The following NFATC1 variants were observed in gnomAD, a reference collection of about 807,000 sequenced individuals.
NFATC1 encodes the protein nuclear factor of activated T-cells, cytoplasmic 1.
Under a neutral mutation model 76.0 loss-of-function variants are expected in NFATC1, and 22 were observed. That is an observed-to-expected ratio of 0.29 (90% CI 0.21 to 0.41). The LOEUF is 0.41. Among genes scored for constraint, NFATC1 ranks in the 10% least tolerant of loss-of-function variants. The pLI, the probability that NFATC1 is intolerant of heterozygous loss-of-function variation, is 1.00. For synonymous variants in NFATC1, 704 were observed against 613.1 expected (o/e 1.15, Z -2.19); for missense variants, 1,357 against 1,337.7 (o/e 1.01, Z -0.23).
chr18:79,413,471 A>G (rs557452201), intron 2 of NFATC1, among the ~76,000 whole-genome samples: 31 of 152,166 alleles, frequency 2.0e-4, no homozygotes, highest in African/African-American at 7.5e-4. Context: ...TCATCTCTCC[A>G]TCCACCGTGC....
intron 4 of NFATC1, 44 bp from the exon 5 acceptor site, chr18:79,450,910 C>A (rs755429103): frequency 6.3e-7 from 1 of 1,590,128 alleles, no homozygotes; most frequent in Non-Finnish European, 8.6e-7. Context: ...TACGCTCCCG[C>A]GTCAGCCATT....
intron 8 of NFATC1, among the ~76,000 whole-genome samples, chr18:79,483,835 T>TCCAGCGTGATGTGGTTCCTGGGGTGTCAC (rs1205233427): frequency 1.7e-5 from 2 of 120,020 alleles, no homozygotes; most frequent in African/African-American, 7.2e-5. Flanking sequence ...TGGGGTGTCA[T>TCCAGCGTGATGTGGTTCCTGGGGTGTCAC]TCCAGCGTGA....
In NFATC1 at chr18:79,529,100, C is replaced by T. The variant is rs761974327; in HGVS notation, c.*1523C>T. The T allele has an allele frequency of 2.0e-5, 3 of 152,352 alleles. No homozygotes were observed. Among genetic ancestry groups the T allele is most frequent in the Non-Finnish European group, 2.9e-5 (2 of 68,064 alleles). The allele number at this position is 152,352 out of a possible 1,614,324, so 9.4% of individuals were successfully genotyped here. ...GCACAATCGCGTCTCTTGTGTCTCACTCACGGAAAGAAACAACCTGAAGGC... is the reference window on the plus strand; with the variant it reads ...GCACAATCGCGTCTCTTGTGTCTCATTCACGGAAAGAAACAACCTGAAGGC... On this transcript the variant is annotated 3_prime_UTR_variant, in exon 10 of 10. Coordinates refer to ENST00000427363, the MANE Select transcript of NFATC1 (RefSeq NM_001278669.2).
intron 9 of NFATC1, among the ~76,000 whole-genome samples, chr18:79,514,834 C>G (rs1408896495): frequency 6.6e-6 from 1 of 151,624 alleles, no homozygotes; most frequent in Non-Finnish European, 1.5e-5. Flanking sequence ...TCACTTGAGC[C>G]CAGGAGTTGG....
At chr18:79,442,378 C>T (rs936931235) in intron 3 of NFATC1, among the ~76,000 whole-genome samples, 4 of 152,240 alleles carry the variant, frequency 2.6e-5, no homozygotes, top group African/African-American at 9.6e-5. Context: ...AGCGCACGTG[C>T]CATTCACGGG....
At chr18:79,488,332 G>A (rs1234805364) in intron 9 of NFATC1, among the ~76,000 whole-genome samples, 2 of 130,780 alleles carry the variant, frequency 1.5e-5, no homozygotes, top group African/African-American at 5.8e-5. Context: ...GTGTGTGTGT[G>A]TGTGAACTTG....
intron 2 of NFATC1, among the ~76,000 whole-genome samples, chr18:79,427,309 C>T (rs1020405946): frequency 3.9e-5 from 6 of 151,994 alleles, no homozygotes; most frequent in Non-Finnish European, 5.9e-5. Flanking sequence ...CCCAATTTGC[C>T]AGCATGTGCA....
chr18:79,518,963 C>T (rs1405551252), intron 9 of NFATC1, among the ~76,000 whole-genome samples: 2 of 152,202 alleles, frequency 1.3e-5, no homozygotes, highest in Non-Finnish European at 2.9e-5. Context: ...CAGAGCAGAA[C>T]GGGGTCTCAG....
In NFATC1 at chr18:79,486,645, A is replaced by G. The variant is rs980634138; in HGVS notation, c.2490A>G (p.Pro830=). 6.2e-7 allele frequency: 1 copy of G among 1,603,084 alleles called. No individual in the cohort carries two copies. The highest frequency in any genetic ancestry group is 1.3e-5 in the African/African-American group (1 of 74,738). ...TGCCACAGCAGGTGAGTGCGCCTCC[A>G]AGCAGTAGCTGCCCCCCTGGTCTCG... ...ALLPQQVSAP[P]SSSCPPGLEH... Residue 830 remains proline (P), a synonymous_variant, in exon 9 of 10, where the codon CCA becomes CCG. Coordinates refer to ENST00000427363, the MANE Select transcript of NFATC1 (RefSeq NM_001278669.2).
chr18:79,489,568 C>G (rs1490544074), intron 9 of NFATC1, among the ~76,000 whole-genome samples: 1 of 152,228 alleles, frequency 6.6e-6, no homozygotes, highest in Non-Finnish European at 1.5e-5. Context: ...AGCTCAGTTC[C>G]CAGCGGGCCT....
At chr18:79,424,287 G>A (rs1011016957) in intron 2 of NFATC1, among the ~76,000 whole-genome samples, 5 of 152,256 alleles carry the variant, frequency 3.3e-5, no homozygotes, top group East Asian at 3.9e-4. Context: ...CAGGAAGGCC[G>A]ACCTCTCCTG....
intron 2 of NFATC1, among the ~76,000 whole-genome samples, chr18:79,432,202 G>C (rs2086614652): frequency 6.6e-6 from 1 of 152,264 alleles, no homozygotes; most frequent in Non-Finnish European, 1.5e-5. Flanking sequence ...TAGAATGATG[G>C]TCAGCAGCTC....
At chr18:79,470,978 G>A (rs2088763488) in intron 8 of NFATC1, 2 of 152,240 alleles carry the variant, frequency 1.3e-5, no homozygotes, top group Admixed American at 6.5e-5. Context: ...TGAACGGAGT[G>A]GGCATAGCCC....
intron 1 of NFATC1, among the ~76,000 whole-genome samples, chr18:79,403,099 G>A (rs2085321721): frequency 6.6e-6 from 1 of 152,192 alleles, no homozygotes; most frequent in East Asian, 1.9e-4. Flanking sequence ...TGAGGTCAGT[G>A]TACCGGGGTT....
At chr18:79,493,059 G>GC (rs1473059489) in intron 9 of NFATC1, among the ~76,000 whole-genome samples, 2 of 152,148 alleles carry the variant, frequency 1.3e-5, no homozygotes, top group Non-Finnish European at 2.9e-5. Context: ...GACTTCTCGA[G>GC]CATGGCCGAG....
chr18:79,450,467 T>C (rs894021962), intron 4 of NFATC1, among the ~76,000 whole-genome samples: 1 of 149,516 alleles, frequency 6.7e-6, no homozygotes, highest in African/African-American at 2.4e-5. Flanking sequence ...ATATAATTAT[T>C]GTAAATGATA....
chr18:79,469,162 A>G (rs952698074), intron 8 of NFATC1: 1 of 294,536 alleles, frequency 3.4e-6, no homozygotes, highest in Non-Finnish European at 5.0e-6. Flanking sequence ...TATATCTTAC[A>G]GAAGAAAATA....
chr18:79,451,008 A>G lies in NFATC1; in HGVS notation c.1644A>G (p.Lys548=), dbSNP rs377185588. The part of the protein sequence containing the change: ...KLRNSDIELR[K]GETDIGRKNT... ...GAAACTCCGACATTGAACTTCGGAA[A>G]GGAGAGACGGACATCGGGAGGAAGA... Residue 548 remains lysine (K), a synonymous_variant, in exon 5 of 10, where the codon AAA becomes AAG. Transcript: ENST00000427363. 6 of 1,613,880 alleles carry G rather than the reference A, an allele frequency of 3.7e-6. No individual in the cohort carries two copies. Among genetic ancestry groups the G allele is most frequent in the Non-Finnish European group, 4.2e-6 (5 of 1,180,008 alleles).
intron 2 of NFATC1, among the ~76,000 whole-genome samples, chr18:79,427,436 G>A (rs1460759814): frequency 1.9e-4 from 20 of 103,384 alleles, no homozygotes; most frequent in South Asian, 3.5e-4. Flanking sequence ...GGGTGGGGGG[G>A]AGCTGGACGG....
Sources: gnomAD v4.1 joint callset for allele counts (sites outside exome capture counted in the v4.1 genomes callset) on GRCh38, gnomAD v4.1.1 for gene constraint, MANE v1.5 for transcripts, NCBI Gene and HGNC (gene_info 2026-07-23, HGNC 2026-07-21) for gene names.